The following DOC2B variants were observed in gnomAD, a reference collection of about 807,000 sequenced individuals.
DOC2B encodes double C2-like domain-containing protein beta.
Under a neutral mutation model 28.9 loss-of-function variants are expected in DOC2B, and 21 were observed. The ratio of observed to expected loss-of-function variants is 0.73; its 90% CI spans 0.52 to 1.05. The LOEUF (loss-of-function observed/expected upper bound fraction) is 1.05. DOC2B is among the 50% of genes least tolerant of loss of function. The probability of loss-of-function intolerance (pLI) is 0.00; values close to 1 mark genes in which losing one functional copy is unlikely to be tolerated. For synonymous variants in DOC2B, 194 were observed against 178.1 expected, an observed-to-expected ratio of 1.09 and a Z score of -0.71; for missense variants, 384 against 421.1, an observed-to-expected ratio of 0.91 and a Z score of 0.77.
At chr17:155,896 C>T (rs4890175) in intron 6 of DOC2B, 235,118 of 338,502 alleles carry the variant, frequency 0.69, 83,155 homozygotes, top group East Asian at 0.91. Context: ...GCACTGGCCC[C>T]GCCTTCTGTC....
intron 6 of DOC2B, among the ~76,000 whole-genome samples, chr17:154,696 C>A (rs2040113547): frequency 6.6e-6 from 1 of 152,132 alleles, no homozygotes; most frequent in Admixed American, 6.5e-5. Flanking sequence ...CAGCTGCTTC[C>A]CAAAGTGGCC....
rs1182510006 is a variant in DOC2B at position 150,334 on chromosome 17, C to A, written c.924-1142G>T. Among the ~76,000 whole-genome samples the A allele has an allele frequency of 2.0e-5, 3 of 152,132 alleles. No individual in the cohort carries two copies. In the East Asian group the frequency reaches 5.8e-4, roughly 29 times the overall value. ...CTGGGCCTGGCACCAGGGAGCTTAACAAACATCTGTCCAGCGAATACCTGC... is the reference window on the plus strand; with the variant it reads ...CTGGGCCTGGCACCAGGGAGCTTAAAAAACATCTGTCCAGCGAATACCTGC... On this transcript the variant is annotated intron_variant, in intron 6 of 8. Transcript: ENST00000613549.
At chr17:177,907 G>A (rs551604206) in intron 1 of DOC2B, among the ~76,000 whole-genome samples, 2 of 152,252 alleles carry the variant, frequency 1.3e-5, no homozygotes, top group Non-Finnish European at 2.9e-5. Flanking sequence ...CACAGGCATC[G>A]GTCCTGACCC....
chr17:160,646 T>C (rs1555523102), intron 5 of DOC2B, among the ~76,000 whole-genome samples: 1 of 152,064 alleles, frequency 6.6e-6, no homozygotes, highest in East Asian at 1.9e-4. Flanking sequence ...CCCCAGGATT[T>C]CTCTTGACCC....
At chr17:149,030 G>A (rs2040044885) in intron 7 of DOC2B, 81 bp downstream of exon 7, 2 of 397,598 alleles carry the variant, frequency 5.0e-6, no homozygotes, top group African/African-American at 4.1e-5. Flanking sequence ...ATCCCGCCAT[G>A]ACCTTTTGAA....
At chr17:158,200 C>T (rs892456331) in intron 5 of DOC2B, among the ~76,000 whole-genome samples, 5 of 152,100 alleles carry the variant, frequency 3.3e-5, no homozygotes, top group African/African-American at 7.2e-5. Context: ...CTTGCCCTCC[C>T]GAGACTACCC....
intron 1 of DOC2B, among the ~76,000 whole-genome samples, chr17:176,906 CCT>C (rs997017966): frequency 1.3e-5 from 2 of 152,140 alleles, no homozygotes; most frequent in Admixed American, 1.3e-4. Flanking sequence ...AGCTCAAGCC[CCT>C]GTTGGCTCCT....
chr17:164,090 C>T (rs994908959), intron 3 of DOC2B, 40 bp downstream of exon 3: 92 of 1,469,914 alleles, frequency 6.3e-5, no homozygotes, highest in Middle Eastern at 1.7e-4. Flanking sequence ...AGGTGGTGGG[C>T]GGGTGCAGCT....
intron 1 of DOC2B, among the ~76,000 whole-genome samples, chr17:179,702 G>T (rs1196563300): frequency 6.6e-6 from 1 of 152,320 alleles, no homozygotes; most frequent in East Asian, 1.9e-4. Context: ...ACAGCCCTGA[G>T]GGCAAAAAAC....
intron 7 of DOC2B, among the ~76,000 whole-genome samples, chr17:148,608 C>T (rs1459755507): frequency 1.3e-5 from 2 of 152,120 alleles, no homozygotes; most frequent in Admixed American, 6.5e-5. Flanking sequence ...TCTGTGGGAC[C>T]CTCCCTTCCA....
intron 3 of DOC2B, 54 bp downstream of exon 3, chr17:164,076 C>T (rs1036352768): frequency 7.1e-7 from 1 of 1,402,846 alleles, no homozygotes; most frequent in South Asian, 1.2e-5. Flanking sequence ...GAGTGCATTG[C>T]CTGAGGTGGT....
rs747513578 is a variant in DOC2B at position 181,343 on chromosome 17, G to C, written c.137C>G (p.Pro46Arg). The part of the protein sequence containing the change: ...YFPRFPRGLP[P>R]DAGPRAAAPP... ...TGCAGCGGCTCGGGGCCCGGCGTCC[G>C]GGGGCAGGCCCCGCGGGAAGCGGGG... is the stretch of plus-strand genomic sequence containing the variant. Residue 46 changes from proline (P) to arginine (R), a missense_variant, in exon 1 of 9, where the codon CCG becomes CGG. Pro to Arg is a moderately radical substitution (Grantham distance 103). Transcript: ENST00000613549. The surrounding 1 kb of genome is among the most constrained non-coding windows in gnomAD (Gnocchi z 7.0). 3.5e-6 allele frequency: 4 copies of C among 1,129,026 alleles called. No homozygotes were observed. The highest frequency in any genetic ancestry group is 4.3e-6 in the Non-Finnish European group (4 of 923,008). The allele number at this position is 1,129,026 out of a possible 1,614,324, so 69.9% of individuals were successfully genotyped here. A position where few individuals can be genotyped will look rare whatever the true frequency, so the allele number is the denominator to read the frequency against.
At chr17:175,121 C>G (rs1471655226) in intron 1 of DOC2B, among the ~76,000 whole-genome samples, 1 of 152,168 alleles carries the variant, frequency 6.6e-6, no homozygotes, top group African/African-American at 2.4e-5. Flanking sequence ...GCCTGTGGTC[C>G]CAGCTACTCG....
At chr17:172,815 C>A (rs754273689) in intron 1 of DOC2B, among the ~76,000 whole-genome samples, 199 bp from the exon 2 acceptor site, 73 of 152,312 alleles carry the variant, frequency 4.8e-4, no homozygotes, top group Non-Finnish European at 8.4e-4. Flanking sequence ...CAATAATCTC[C>A]CCACTTTCCA....
In DOC2B at chr17:181,432, CT is replaced by C; in HGVS notation, c.47del (p.Glu16GlyfsTer138). 1 of 1,171,994 alleles carries C rather than the reference CT, an allele frequency of 8.5e-7. No individual in the cohort carries two copies. The allele number at this position is 1,171,994 out of a possible 1,614,324, so 72.6% of individuals were successfully genotyped here. On this transcript the variant is annotated frameshift_variant, in exon 1 of 9. Transcript: ENST00000613549. LOFTEE classifies it high-confidence loss of function. The surrounding 1 kb of genome is among the most constrained non-coding windows in gnomAD (Gnocchi z 7.0). ...RGEKATISIQ[E>X]HMAIDVCPGP... Reference sequence around the variant, plus strand: ...CGGGGCACACGTCGATGGCCATATGCTCCTGGATGCTGATGGTCGCCTTCTC... The same window carrying C: ...CGGGGCACACGTCGATGGCCATATGCCCTGGATGCTGATGGTCGCCTTCTC...
At chr17:162,935 G>A (rs941365187) in intron 3 of DOC2B, among the ~76,000 whole-genome samples, 15 of 152,246 alleles carry the variant, frequency 9.9e-5, no homozygotes, top group East Asian at 1.9e-4. Flanking sequence ...CTGTGCCAGC[G>A]GCTCTGAGCT....
chr17:161,690 G>A, intron 4 of DOC2B, 149 bp from the exon 5 acceptor site: 1 of 1,349,020 alleles, frequency 7.4e-7, no homozygotes, highest in Non-Finnish European at 1.0e-6. Flanking sequence ...CCTGGGCCCT[G>A]ACAGGGGCAG....
chr17:173,379 G>C (rs1233307890), intron 1 of DOC2B, among the ~76,000 whole-genome samples: 2 of 152,130 alleles, frequency 1.3e-5, no homozygotes, highest in Non-Finnish European at 1.5e-5. Context: ...GATGATGGTG[G>C]GGGGCAGAGC....
At position 152,088 on chromosome 17, in the gene DOC2B, G is replaced by A. The variant is rs180682557; in HGVS notation, c.924-2896C>T. Among the ~76,000 whole-genome samples the A allele has an allele frequency of 6.6e-3, 1,010 of 152,190 alleles. 28 individuals carry two copies. Among genetic ancestry groups the A allele is most frequent in the Admixed American group, 0.058 (886 of 15,292 alleles). On this transcript the variant is annotated intron_variant, in intron 6 of 8. Coordinates refer to ENST00000613549, the MANE Select transcript of DOC2B (RefSeq NM_003585.5). ...AGTGGTCCTGGCCACCGGGGCTCACGGAGCCGCCCTGTGCCGTGTACCTCT... is the reference window on the plus strand; with the variant it reads ...AGTGGTCCTGGCCACCGGGGCTCACAGAGCCGCCCTGTGCCGTGTACCTCT...
Sources: allele counts gnomAD v4.1 joint callset (sites outside exome capture counted in the v4.1 genomes callset), GRCh38; gene constraint gnomAD v4.1.1; non-coding constraint Gnocchi (gnomAD v3.1); transcripts MANE v1.5; gene names NCBI Gene and HGNC (gene_info 2026-07-23, HGNC 2026-07-21).